Variants in MICALL1 observed in about 807,000 individuals in gnomAD.
The protein encoded by MICALL1 is MICAL like 1.
MICALL1 carries 61 observed loss-of-function variants against 83.7 expected under a neutral mutation model. That is an observed-to-expected ratio of 0.73 (90% CI 0.59 to 0.90). MICALL1 has a LOEUF of 0.90. Among genes scored for constraint, MICALL1 ranks in the 40% least tolerant of loss-of-function variants. MICALL1 has a pLI of 0.00. For missense variants in MICALL1, 1,066 were observed against 1,152.0 expected (o/e 0.93, Z 1.08); for synonymous variants, 481 against 473.6 (o/e 1.02, Z -0.20).
At chr22:37,937,255 C>T (rs901418459) in intron 14 of MICALL1, 61 bp downstream of exon 14, 3 of 1,306,150 alleles carry the variant, frequency 2.3e-6, no homozygotes, top group African/African-American at 2.9e-5. Flanking sequence ...GGCTCTGGGC[C>T]TCATGGGTGG....
At chr22:37,929,330 G>T (rs1929663175) in intron 9 of MICALL1, among the ~76,000 whole-genome samples, 1 of 152,130 alleles carries the variant, frequency 6.6e-6, no homozygotes, top group African/African-American at 2.4e-5. Flanking sequence ...CACAGGTCAT[G>T]TGGACATAGT....
At position 37,916,119 on chromosome 22, in the gene MICALL1, G is replaced by A. The variant is rs113861420; in HGVS notation, c.338-1588G>A. 2.4e-4 allele frequency among the ~76,000 whole-genome samples: 36 copies of A among 152,314 alleles called. 1 individual carries two copies. The highest frequency in any genetic ancestry group is 8.7e-4 in the African/African-American group (36 of 41,574). On this transcript the variant is annotated intron_variant, in intron 3 of 15. Transcript: ENST00000215957. Reference sequence around the variant, plus strand: ...GGGTGGGGTGTGGGCAGCTGTTGGTGGTACGCAGCTCATTCGTTGGCCCTC... The same window carrying A: ...GGGTGGGGTGTGGGCAGCTGTTGGTAGTACGCAGCTCATTCGTTGGCCCTC...
chr22:37,923,981 C>T (rs1023636466), intron 6 of MICALL1, among the ~76,000 whole-genome samples: 3 of 152,208 alleles, frequency 2.0e-5, no homozygotes, highest in Admixed American at 2.0e-4. Flanking sequence ...AGAATGCTCC[C>T]AGATGACCTC....
intron 14 of MICALL1, 50 bp downstream of exon 14, chr22:37,937,244 A>C: frequency 8.3e-7 from 1 of 1,207,532 alleles, no homozygotes. Flanking sequence ...AGAGCAGGTC[A>C]GGCTCTGGGC....
chr22:37,910,964 C>T (rs549325434), intron 1 of MICALL1, among the ~76,000 whole-genome samples: 24 of 152,358 alleles, frequency 1.6e-4, no homozygotes, highest in Admixed American at 3.9e-4. Flanking sequence ...CACCCATCTC[C>T]GGCAGTCAGG....
chr22:37,940,187 G>C (rs1930357601), intron 15 of MICALL1, among the ~76,000 whole-genome samples: 1 of 152,160 alleles, frequency 6.6e-6, no homozygotes, highest in Non-Finnish European at 1.5e-5. Flanking sequence ...CAGTTTGGGA[G>C]GCTGAGGCGG....
chr22:37,921,707 G>T (rs887807747), intron 5 of MICALL1, among the ~76,000 whole-genome samples: 4 of 152,226 alleles, frequency 2.6e-5, no homozygotes, highest in African/African-American at 9.6e-5. Context: ...GGGGACCTTT[G>T]CTTCTTCCTC....
At position 37,912,346 on chromosome 22, in the gene MICALL1, C is replaced by T; in HGVS notation, c.196-5C>T. 1 of 1,607,542 alleles carries T rather than the reference C, an allele frequency of 6.2e-7. No individual in the cohort carries two copies. Among genetic ancestry groups the T allele is most frequent in the Non-Finnish European group, 8.5e-7 (1 of 1,175,624 alleles). ...CTCCCGCCCTTGTACCTGTCACCAC[C>T]CCAGGCCTTTGAAGTGGCTGAGAAG... On this transcript the variant is annotated splice_region_variant and splice_polypyrimidine_tract_variant and intron_variant, in intron 2 of 15. Transcript: ENST00000215957.
At chr22:37,923,474 C>T (rs1414154954) in intron 6 of MICALL1, among the ~76,000 whole-genome samples, 10 of 152,132 alleles carry the variant, frequency 6.6e-5, no homozygotes, top group Non-Finnish European at 1.3e-4. Flanking sequence ...GTGATCTGCC[C>T]GCCTTGGCCT....
Position 37,906,337 on chromosome 22 carries a change from C to G in MICALL1, c.-86C>G. On this transcript the variant is annotated 5_prime_UTR_variant, in exon 1 of 16. Transcript: ENST00000215957. This position sits in a 1 kb window ranked among gnomAD's most constrained non-coding sequence, Gnocchi z 4.4. ...CCCGAGCTCGGAGCCGCAGCCGCAG[C>G]CGGAAACCGGGCCCGCGCGGCGGCC... 1.0e-6 allele frequency: 1 copy of G among 953,764 alleles called. No homozygotes were observed. Among genetic ancestry groups the G allele is most frequent in the Non-Finnish European group, 1.3e-6 (1 of 799,210 alleles). 59.1% of individuals were successfully genotyped at this position (953,764 alleles called of 1,614,324 possible). A position where few individuals can be genotyped will look rare whatever the true frequency, so the allele number is the denominator to read the frequency against.
chr22:37,908,826 A>G (rs572039514), intron 1 of MICALL1, among the ~76,000 whole-genome samples: 1 of 152,234 alleles, frequency 6.6e-6, no homozygotes, highest in East Asian at 1.9e-4. Context: ...ATAGTCTTCA[A>G]GGAGATGGCA....
At position 37,912,338 on chromosome 22, in the gene MICALL1, G is replaced by C; in HGVS notation, c.196-13G>C. 1 of 1,600,580 alleles carries C rather than the reference G, an allele frequency of 6.2e-7. No individual in the cohort carries two copies. Among genetic ancestry groups the C allele is most frequent in the Non-Finnish European group, 8.5e-7 (1 of 1,171,304 alleles). ...TTCGGCTGCTCCCGCCCTTGTACCT[G>C]TCACCACCCCAGGCCTTTGAAGTGG... On this transcript the variant is annotated splice_polypyrimidine_tract_variant and intron_variant, in intron 2 of 15. Transcript: ENST00000215957.
At position 37,906,309 on chromosome 22, in the gene MICALL1, G is replaced by A; in HGVS notation, c.-114G>A. On this transcript the variant is annotated 5_prime_UTR_variant, in exon 1 of 16. Transcript: ENST00000215957. This position sits in a 1 kb window ranked among gnomAD's most constrained non-coding sequence, Gnocchi z 4.4. Reference sequence around the variant, plus strand: ...CGCCCCTCCCCTCGCCTGCCGGTCGGCGCCCGAGCTCGGAGCCGCAGCCGC... The same window carrying A: ...CGCCCCTCCCCTCGCCTGCCGGTCGACGCCCGAGCTCGGAGCCGCAGCCGC... The A allele has an allele frequency of 1.2e-6, 1 of 800,090 alleles. No individual in the cohort carries two copies. Among genetic ancestry groups the A allele is most frequent in the Non-Finnish European group, 1.5e-6 (1 of 661,186 alleles). 49.6% of individuals were successfully genotyped at this position (800,090 alleles called of 1,614,324 possible).
chr22:37,931,507 G>A (rs915123718), intron 9 of MICALL1, among the ~76,000 whole-genome samples: 6 of 152,200 alleles, frequency 3.9e-5, no homozygotes, highest in African/African-American at 1.2e-4. Flanking sequence ...GTGCAGCCAT[G>A]GTTATGCCAC....
Position 37,906,380 on chromosome 22 carries a change from G to A in MICALL1, c.-43G>A. ...CGGCGGCCGCCGTCCCGGCCAAGCC[G>A]GGGCCCCGAAGCCAGAGCCGGAGCC... On this transcript the variant is annotated 5_prime_UTR_variant, in exon 1 of 16. Transcript: ENST00000215957. The surrounding 1 kb of genome is among the most constrained non-coding windows in gnomAD (Gnocchi z 4.4). 1 of 1,058,038 alleles carries A rather than the reference G, an allele frequency of 9.5e-7. No homozygotes were observed. Among genetic ancestry groups the A allele is most frequent in the South Asian group, 4.4e-5 (1 of 22,778 alleles). The allele number at this position is 1,058,038 out of a possible 1,614,324, so 65.5% of individuals were successfully genotyped here. A position where few individuals can be genotyped will look rare whatever the true frequency, so the allele number is the denominator to read the frequency against.
intron 9 of MICALL1, among the ~76,000 whole-genome samples, chr22:37,928,612 C>T (rs1362749595): frequency 1.3e-5 from 2 of 152,196 alleles, no homozygotes; most frequent in East Asian, 3.8e-4. Context: ...CCCGTCTGTC[C>T]ATGCTTCCAT....
At chr22:37,917,673 C>T in intron 3 of MICALL1, 34 bp from the exon 4 acceptor site, 1 of 1,606,772 alleles carries the variant, frequency 6.2e-7, no homozygotes, top group Admixed American at 1.7e-5. Context: ...AGGATCTCCA[C>T]CTGCTTCAGG....
Position 37,922,215 on chromosome 22 carries a change from G to T in MICALL1, c.813G>T (p.Lys271Asn). The T allele has an allele frequency of 6.2e-7, 1 of 1,610,946 alleles. No homozygotes were observed. The highest frequency in any genetic ancestry group is 8.5e-7 in the Non-Finnish European group (1 of 1,179,212). Residue 271 changes from lysine to asparagine, a missense_variant, in exon 6 of 16, where the codon AAG becomes AAT. Lys to Asn is a moderately conservative substitution (Grantham distance 94, BLOSUM62 0). Coordinates refer to ENST00000215957, the MANE Select transcript of MICALL1 (RefSeq NM_033386.4). ...CAGGGGCTGAGGCCGATGGACCCAA[G>T]GCCAGCCCTGAGGCCCGGCCGCAGA... ...APAGAEADGPKASPEARPQIP... is the reference protein window; with the variant it reads ...APAGAEADGPNASPEARPQIP...
intron 13 of MICALL1, among the ~76,000 whole-genome samples, chr22:37,936,641 C>G (rs796216003): frequency 2.6e-5 from 4 of 152,278 alleles, no homozygotes; most frequent in African/African-American, 9.6e-5. Context: ...GCCTGTAATC[C>G]CAGCACTTTG....
Sources: gnomAD v4.1 joint callset for allele counts (sites outside exome capture counted in the v4.1 genomes callset) on GRCh38, gnomAD v4.1.1 for gene constraint, Gnocchi (gnomAD v3.1) non-coding constraint, MANE v1.5 for transcripts, NCBI Gene and HGNC (gene_info 2026-07-23, HGNC 2026-07-21) for gene names.